The following PTPRJ variants were observed in gnomAD, a reference collection of about 807,000 sequenced individuals.
PTPRJ encodes the protein receptor-type tyrosine-protein phosphatase eta.
In PTPRJ, 129 loss-of-function variants were observed where a neutral mutation model predicts 141.3. That is an observed-to-expected ratio of 0.91 (90% confidence interval 0.79 to 1.06). The LOEUF (loss-of-function observed/expected upper bound fraction) is 1.06. PTPRJ is among the 50% of genes least tolerant of loss of function. The pLI, the probability that PTPRJ is intolerant of heterozygous loss-of-function variation, is 0.00. For missense variants in PTPRJ, 1,601 were observed against 1,679.7 expected, an observed-to-expected ratio of 0.95 and a Z score of 0.82; for synonymous variants, 610 against 640.5, an observed-to-expected ratio of 0.95 and a Z score of 0.72.
Position 48,106,971 on chromosome 11 carries a change from G to A in PTPRJ, c.97-3087G>A, listed in dbSNP as rs181749102. ...TTTAGTAGAGTTGGGGTTTCACCAT[G>A]TTGGCCAGGCTGGTCTGGAACTCCT... is the stretch of plus-strand genomic sequence containing the variant. On this transcript the variant is annotated intron_variant, in intron 1 of 24. Transcript: ENST00000418331. Among the ~76,000 whole-genome samples, 3 of 151,946 alleles carry A rather than the reference G, an allele frequency of 2.0e-5. 1 individual carries two copies. The highest frequency in any genetic ancestry group is 7.2e-5 in the African/African-American group (3 of 41,456).
intron 1 of PTPRJ, among the ~76,000 whole-genome samples, chr11:48,061,919 T>A (rs1006817514): frequency 4.7e-5 from 7 of 150,152 alleles, no homozygotes; most frequent in Admixed American, 6.6e-5. Flanking sequence ...GTTTTTTTTT[T>A]TTTTTTTTTT....
intron 1 of PTPRJ, among the ~76,000 whole-genome samples, chr11:48,017,460 C>T (rs558371489): frequency 6.6e-6 from 1 of 152,280 alleles, no homozygotes; most frequent in South Asian, 2.1e-4. Context: ...TGCCTAGATA[C>T]TTATACATTG....
intron 1 of PTPRJ, among the ~76,000 whole-genome samples, chr11:48,094,013 C>A (rs1855939199): frequency 6.6e-6 from 1 of 152,204 alleles, no homozygotes; most frequent in Non-Finnish European, 1.5e-5. Context: ...AGTTCCCTCC[C>A]AGCCCTTCTT....
rs1049988785 is a variant in PTPRJ at position 48,053,898 on chromosome 11, A to G, written c.97-56160A>G. On this transcript the variant is annotated intron_variant, in intron 1 of 24. Transcript: ENST00000418331. ...CCAGGAAATTATATTTTTATGAGAAATATTCTGTTGTTTAAATTCTGGCAC... is the reference window on the plus strand; with the variant it reads ...CCAGGAAATTATATTTTTATGAGAAGTATTCTGTTGTTTAAATTCTGGCAC... Among the ~76,000 whole-genome samples, 4 of 146,472 alleles carry G rather than the reference A, an allele frequency of 2.7e-5. No individual in the cohort carries two copies. In the East Asian group the frequency reaches 8.1e-4, roughly 30 times the overall value.
intron 11 of PTPRJ, among the ~76,000 whole-genome samples, chr11:48,142,571 TATTCTA>T (rs149945477): frequency 0.052 from 7,904 of 152,274 alleles, 699 homozygotes; most frequent in African/African-American, 0.18. Flanking sequence ...TCCTTGATTG[TATTCTA>T]ATTATATTTC....
chr11:47,982,183 C>G (rs1040740394), intron 1 of PTPRJ, among the ~76,000 whole-genome samples: 2 of 152,226 alleles, frequency 1.3e-5, no homozygotes, highest in Non-Finnish European at 2.9e-5. Context: ...TCTCTCCTCG[C>G]AGTTTCCCCA....
intron 18 of PTPRJ, 138 bp from the exon 19 acceptor site, chr11:48,153,658 G>A: frequency 3.3e-6 from 2 of 615,236 alleles, no homozygotes; most frequent in South Asian, 4.0e-5. Context: ...TTTAATAGCA[G>A]AAGGGTAAAT....
chr11:48,104,480 A>G (rs1856237754), intron 1 of PTPRJ, among the ~76,000 whole-genome samples: 1 of 152,216 alleles, frequency 6.6e-6, no homozygotes, highest in Non-Finnish European at 1.5e-5. Context: ...GTCAGTGGGT[A>G]AAAATAACTA....
intron 1 of PTPRJ, among the ~76,000 whole-genome samples, chr11:48,068,310 C>T (rs1329048914): frequency 2.6e-5 from 4 of 151,964 alleles, no homozygotes. Context: ...CTAAATTTCA[C>T]CTTGAATTGT....
At position 47,980,769 on chromosome 11, in the gene PTPRJ, G is replaced by A; in HGVS notation, c.-144G>A. ...TGCCATGTCTCCGGGGAAGCCCGGG[G>A]CGGGCGGAGCGGGGACGAGGCGGAC... On this transcript the variant is annotated 5_prime_UTR_variant, in exon 1 of 25. Transcript: ENST00000418331. 2 of 1,025,302 alleles carry A rather than the reference G, an allele frequency of 2.0e-6. No homozygotes were observed. Among genetic ancestry groups the A allele is most frequent in the Non-Finnish European group, 2.3e-6 (2 of 858,244 alleles). The allele number at this position is 1,025,302 out of a possible 1,614,324, so 63.5% of individuals were successfully genotyped here.
At chr11:48,054,329 G>C (rs532866527) in intron 1 of PTPRJ, among the ~76,000 whole-genome samples, 1 of 152,348 alleles carries the variant, frequency 6.6e-6, no homozygotes, top group East Asian at 1.9e-4. Flanking sequence ...GCAAATTAGA[G>C]TTTACCAGGA....
chr11:48,103,044 G>A (rs1414900986), intron 1 of PTPRJ, among the ~76,000 whole-genome samples: 1 of 152,194 alleles, frequency 6.6e-6, no homozygotes, highest in Admixed American at 6.6e-5. Context: ...TCAAAGGGTA[G>A]GTAGATCACA....
intron 1 of PTPRJ, among the ~76,000 whole-genome samples, chr11:48,093,810 AAAAG>A (rs1017505860): frequency 6.6e-6 from 1 of 152,160 alleles, no homozygotes; most frequent in African/African-American, 2.4e-5. Flanking sequence ...AAAAAAAAGA[AAAAG>A]AAAAAGACAA....
At chr11:48,086,241 T>A (rs902895494) in intron 1 of PTPRJ, among the ~76,000 whole-genome samples, 30 of 152,192 alleles carry the variant, frequency 2.0e-4, no homozygotes, top group Non-Finnish European at 4.4e-4. Flanking sequence ...TGGCATGATC[T>A]CGGCTCATTG....
At chr11:48,080,960 A>T (rs1369673530) in intron 1 of PTPRJ, among the ~76,000 whole-genome samples, 1 of 152,256 alleles carries the variant, frequency 6.6e-6, no homozygotes, top group African/African-American at 2.4e-5. Flanking sequence ...ATACAGACCC[A>T]GATTGTCAAT....
In PTPRJ at chr11:47,990,599, A is replaced by T. The variant is rs144094897; in HGVS notation, c.96+9591A>T. 4.2e-3 allele frequency among the ~76,000 whole-genome samples: 642 copies of T among 151,656 alleles called. 27 individuals carry two copies. In the East Asian group the frequency reaches 0.1, roughly 25 times the overall value. On this transcript the variant is annotated intron_variant, in intron 1 of 24. Coordinates refer to ENST00000418331, the MANE Select transcript of PTPRJ (RefSeq NM_002843.4). ...GCTAATTTTTGTAGTTTTAGTAGTG[A>T]CAGGGTTTCATCATGTTGGCCAGGC...
chr11:48,167,171 A>G (rs755080770), intron 24 of PTPRJ, 33 bp from the exon 25 acceptor site: 8 of 1,585,232 alleles, frequency 5.0e-6, no homozygotes. Context: ...ACCCATGTTC[A>G]TTTTCTGTCT....
At chr11:48,029,699 A>C (rs776594927) in intron 1 of PTPRJ, among the ~76,000 whole-genome samples, 2 of 151,930 alleles carry the variant, frequency 1.3e-5, no homozygotes, top group Non-Finnish European at 1.5e-5. Context: ...TTGTAATTAT[A>C]GTAAAAGCAC....
At chr11:48,009,604 A>T (rs1345153131) in intron 1 of PTPRJ, among the ~76,000 whole-genome samples, 1 of 152,158 alleles carries the variant, frequency 6.6e-6, no homozygotes, top group Non-Finnish European at 1.5e-5. Context: ...TCAAAAAAAA[A>T]ATATTGGTTA....
Sources: gnomAD v4.1 joint callset for allele counts (sites outside exome capture counted in the v4.1 genomes callset) on GRCh38, gnomAD v4.1.1 for gene constraint, MANE v1.5 for transcripts, NCBI Gene and HGNC (gene_info 2026-07-23, HGNC 2026-07-21) for gene names.